The following ALPK1 variants were observed in gnomAD, a reference collection of about 807,000 sequenced individuals.
ALPK1 encodes alpha kinase 1.
ALPK1 carries 110 observed loss-of-function variants against 120.6 expected under a neutral mutation model. The ratio of observed to expected loss-of-function variants is 0.91; its 90% CI spans 0.78 to 1.07. The LOEUF is 1.07. Among genes scored for constraint, ALPK1 ranks in the 50% least tolerant of loss-of-function variants. The pLI, the probability that ALPK1 is intolerant of heterozygous loss-of-function variation, is 0.00. For synonymous variants in ALPK1, 582 were observed against 560.3 expected (o/e 1.04, Z -0.55); for missense variants, 1,498 against 1,483.9 (o/e 1.01, Z -0.16).
chr4:112,313,155 A>T (rs1021031655), intron 1 of ALPK1, among the ~76,000 whole-genome samples: 4 of 152,236 alleles, frequency 2.6e-5, no homozygotes, highest in Non-Finnish European at 5.9e-5. Context: ...GAATTTGATG[A>T]TTACCAATAA....
chr4:112,340,217 G>A (rs979766260), intron 2 of ALPK1, among the ~76,000 whole-genome samples: 18 of 152,252 alleles, frequency 1.2e-4, no homozygotes, highest in Non-Finnish European at 2.4e-4. Flanking sequence ...GCCTTAGTGC[G>A]CTGGGAGCAT....
chr4:112,397,623 C>A (rs1053411646), intron 4 of ALPK1, among the ~76,000 whole-genome samples: 1 of 152,188 alleles, frequency 6.6e-6, no homozygotes, highest in Non-Finnish European at 1.5e-5. Context: ...TTGCTTTGAT[C>A]ACAGAACTAT....
chr4:112,337,045 T>G (rs1257947689), intron 2 of ALPK1, among the ~76,000 whole-genome samples: 3 of 152,164 alleles, frequency 2.0e-5, no homozygotes, highest in African/African-American at 7.2e-5. Context: ...ACTTCTAAAG[T>G]CTTAATCATA....
rs751866604 is a variant in ALPK1, at chr4:112,439,751, A to T, written c.3417A>T (p.Val1139=). The T allele has an allele frequency of 1.9e-6, 3 of 1,613,692 alleles. No homozygotes were observed. The highest frequency in any genetic ancestry group is 2.5e-6 in the Non-Finnish European group (3 of 1,179,848). ...AGCCTTACATACTGGGAGAATTTGT[A>T]AAATTGTCAAATAACACGAAAGTGG... The part of the protein sequence containing the change: ...SVEPYILGEF[V]KLSNNTKVVK... Residue 1139 remains valine (V), a synonymous_variant, in exon 14 of 16, where the codon GTA becomes GTT. Coordinates refer to ENST00000650871, the MANE Select transcript of ALPK1 (RefSeq NM_025144.4).
chr4:112,419,784 G>A (rs1733909324), intron 5 of ALPK1, among the ~76,000 whole-genome samples: 5 of 152,220 alleles, frequency 3.3e-5, no homozygotes, highest in Admixed American at 3.3e-4. Context: ...TAGCACTGGT[G>A]AGTTTGGACT....
At chr4:112,396,611 A>G (rs1414808332) in intron 4 of ALPK1, among the ~76,000 whole-genome samples, 1 of 152,166 alleles carries the variant, frequency 6.6e-6, no homozygotes, top group Non-Finnish European at 1.5e-5. Flanking sequence ...GGAAACTTTT[A>G]GAATTTTCTT....
Position 112,435,142 on chromosome 4 carries a change from TCCCAG to T in ALPK1, c.3035-5_3035-1del. ...TAAGATTCATTTTCATCTTTTTTTTTCCCAGGTGCTCTTTTGTTAAAATATTCAAA... is the reference window on the plus strand; with the variant it reads ...TAAGATTCATTTTCATCTTTTTTTTTGTGCTCTTTTGTTAAAATATTCAAA... On this transcript the variant is annotated splice_acceptor_variant and splice_polypyrimidine_tract_variant and intron_variant, in intron 11 of 15. Coordinates refer to ENST00000650871, the MANE Select transcript of ALPK1 (RefSeq NM_025144.4). LOFTEE classifies it high-confidence loss of function. 3 of 1,596,846 alleles carry T rather than the reference TCCCAG, an allele frequency of 1.9e-6. No individual in the cohort carries two copies. Among genetic ancestry groups the T allele is most frequent in the Non-Finnish European group, 1.7e-6 (2 of 1,175,740 alleles).
intron 3 of ALPK1, among the ~76,000 whole-genome samples, chr4:112,378,338 A>G (rs1384357463): frequency 6.6e-6 from 1 of 152,180 alleles, no homozygotes; most frequent in Non-Finnish European, 1.5e-5. Flanking sequence ...CAATCTCACT[A>G]TTTTGATCAC....
At chr4:112,413,572 C>G (rs546633677) in intron 5 of ALPK1, among the ~76,000 whole-genome samples, 2 of 152,312 alleles carry the variant, frequency 1.3e-5, no homozygotes, top group Admixed American at 1.3e-4. Context: ...GCATGCGCCA[C>G]CACACCCAGC....
Position 112,423,973 on chromosome 4 carries a change from A to T in ALPK1, c.505A>T (p.Ser169Cys), listed in dbSNP as rs1734117715. 2 of 1,613,870 alleles carry T rather than the reference A, an allele frequency of 1.2e-6. No individual in the cohort carries two copies. Among genetic ancestry groups the T allele is most frequent in the East Asian group, 4.5e-5 (2 of 44,884 alleles). ...GKLLKAEYILSSLISNNGATG... is the reference protein window; with the variant it reads ...GKLLKAEYILCSLISNNGATG... ...ACTTTTAAAAGCAGAGTATATTCTG[A>T]GCAGTCTAATAAGCAACAATGGAGC... The change falls in exon 6 of 16, where the codon AGC (serine) becomes TGC (cysteine). Residue 169 changes from serine to cysteine, a missense_variant. Transcript: ENST00000650871.
chr4:112,336,541 T>C (rs1729629528), intron 2 of ALPK1, among the ~76,000 whole-genome samples: 1 of 152,208 alleles, frequency 6.6e-6, no homozygotes, highest in African/African-American at 2.4e-5. Context: ...TTATGGAAGA[T>C]GCTAAAATTC....
At chr4:112,308,176 T>G (rs986997734) in intron 1 of ALPK1, among the ~76,000 whole-genome samples, 21 of 152,100 alleles carry the variant, frequency 1.4e-4, no homozygotes, top group Non-Finnish European at 2.5e-4. Flanking sequence ...TGGCCGCCCT[T>G]AACATTTTTT....
At chr4:112,336,037 G>T (rs1209795546) in intron 2 of ALPK1, among the ~76,000 whole-genome samples, 1 of 152,102 alleles carries the variant, frequency 6.6e-6, no homozygotes, top group East Asian at 1.9e-4. Context: ...CCATGCCCTT[G>T]GCTGGAGTCT....
intron 2 of ALPK1, among the ~76,000 whole-genome samples, chr4:112,317,858 CA>C (rs1460001262): frequency 2.0e-5 from 3 of 152,092 alleles, no homozygotes; most frequent in African/African-American, 7.2e-5. Context: ...TATACCATTA[CA>C]AAATAAATGT....
rs1029674057 is a variant in ALPK1, at chr4:112,379,145, T to A, written c.121+1247T>A. 2.6e-5 allele frequency among the ~76,000 whole-genome samples: 4 copies of A among 152,252 alleles called. No homozygotes were observed. In the East Asian group the frequency reaches 7.7e-4, roughly 29 times the overall value. On this transcript the variant is annotated intron_variant, in intron 3 of 15. Transcript: ENST00000650871. ...CCCTTTTACTACACCACACCCTTTG[T>A]CTCCTCAGCCAAATTCCTTTAAGCT...
chr4:112,311,969 G>C (rs1034173886), intron 1 of ALPK1, among the ~76,000 whole-genome samples: 1 of 150,456 alleles, frequency 6.6e-6, no homozygotes, highest in Non-Finnish European at 1.5e-5. Context: ...AATACACACA[G>C]GGGGTCACAG....
chr4:112,418,731 G>A (rs983527914), intron 5 of ALPK1, among the ~76,000 whole-genome samples: 1 of 111,792 alleles, frequency 8.9e-6, no homozygotes, highest in African/African-American at 3.6e-5. Flanking sequence ...ACTGAAAGAT[G>A]ATAAGTTGGA....
At chr4:112,305,791 T>C (rs1298893685) in intron 1 of ALPK1, among the ~76,000 whole-genome samples, 1 of 152,078 alleles carries the variant, frequency 6.6e-6, no homozygotes, top group Non-Finnish European at 1.5e-5. Context: ...TTATGTTGAA[T>C]AGGAGTGGTG....
intron 5 of ALPK1, among the ~76,000 whole-genome samples, chr4:112,420,431 G>C (rs1198020458): frequency 5.3e-5 from 8 of 152,170 alleles, no homozygotes; most frequent in South Asian, 2.1e-4. Flanking sequence ...GTACCATTAA[G>C]GGTTCAGGTT....
Sources: gnomAD v4.1 joint callset for allele counts (sites outside exome capture counted in the v4.1 genomes callset) on GRCh38, gnomAD v4.1.1 for gene constraint, MANE v1.5 for transcripts, NCBI Gene and HGNC (gene_info 2026-07-23, HGNC 2026-07-21) for gene names.